The following ZNF626 variants were observed in gnomAD, a reference collection of about 807,000 sequenced individuals.
ZNF626 encodes the protein CTC-513N18.7.
A neutral mutation model predicts 11.7 loss-of-function variants in ZNF626; 4 were observed. The ratio of observed to expected loss-of-function variants is 0.34; its 90% confidence interval spans 0.17 to 0.78. The LOEUF (loss-of-function observed/expected upper bound fraction) is 0.78, where lower values mean the gene tolerates loss of function less well. Ranked by LOEUF, ZNF626 falls within the 30% of genes least tolerant of loss-of-function variation. The pLI is 0.57. For missense variants in ZNF626, 588 were observed against 587.1 expected (o/e 1.00, Z -0.01); for synonymous variants, 179 against 198.6 (o/e 0.90, Z 0.83).
At chr19:20,645,317 G>C (rs1336799936) in intron 3 of ZNF626, 1 of 1,551,542 alleles carries the variant, frequency 6.4e-7, no homozygotes, top group Admixed American at 2.3e-5. Flanking sequence ...AACTTTGAGA[G>C]TAATTTTAGT....
chr19:20,658,261 T>A (rs950068340), intron 1 of ZNF626, among the ~76,000 whole-genome samples: 1 of 152,146 alleles, frequency 6.6e-6, no homozygotes, highest in African/African-American at 2.4e-5. Context: ...GTCCAGAACC[T>A]TAGGTTGGTG....
chr19:20,645,380 C>T, intron 3 of ZNF626: 1 of 1,589,664 alleles, frequency 6.3e-7, no homozygotes, highest in South Asian at 1.2e-5. Context: ...GAAAAGCAGC[C>T]ACACTGTGCA....
chr19:20,645,333 A>C lies in ZNF626; in HGVS notation c.226+351T>G, dbSNP rs553819196. On this transcript the variant is annotated intron_variant, in intron 3 of 3. Coordinates refer to ENST00000601440, the MANE Select transcript of ZNF626 (RefSeq NM_001076675.3). ...ACTTTGAGAGTAATTTTAGTTTCTCAAAATCATGCAGACATTTGTGCGTCC... is the reference window on the plus strand; with the variant it reads ...ACTTTGAGAGTAATTTTAGTTTCTCCAAATCATGCAGACATTTGTGCGTCC... 6.8e-5 allele frequency: 106 copies of C among 1,560,090 alleles called. 1 individual carries two copies. The African/African-American group carries it at 1.1e-3, about 16-fold the overall frequency.
chr19:20,639,277 T>G (rs1302576758), intron 3 of ZNF626, among the ~76,000 whole-genome samples: 2 of 151,812 alleles, frequency 1.3e-5, no homozygotes, highest in Non-Finnish European at 2.9e-5. Context: ...CATTAAGGAT[T>G]TATACTGCAG....
intron 3 of ZNF626, among the ~76,000 whole-genome samples, chr19:20,631,646 T>A (rs868927426): frequency 2.0e-4 from 29 of 148,604 alleles, no homozygotes; most frequent in Admixed American, 2.0e-4. Context: ...GCTTGGTAGA[T>A]CTTCATCCAT....
At chr19:20,640,816 G>A (rs892542672) in intron 3 of ZNF626, among the ~76,000 whole-genome samples, 1 of 151,992 alleles carries the variant, frequency 6.6e-6, no homozygotes, top group Non-Finnish European at 1.5e-5. Context: ...ATTTTAAAAA[G>A]TTATAAATGT....
At chr19:20,632,854 A>G (rs1247697434) in intron 3 of ZNF626, among the ~76,000 whole-genome samples, 4 of 151,924 alleles carry the variant, frequency 2.6e-5, no homozygotes, top group Admixed American at 2.0e-4. Context: ...GGAGGAAGAG[A>G]GGCGCTCGGA....
At chr19:20,628,722 T>C (rs1326568589) in intron 3 of ZNF626, among the ~76,000 whole-genome samples, 2 of 152,164 alleles carry the variant, frequency 1.3e-5, no homozygotes, top group African/African-American at 4.8e-5. Context: ...TTTTCTCCCA[T>C]TCTGTAGGTT....
Position 20,625,545 on chromosome 19 carries a change from A to G in ZNF626, c.332T>C (p.Leu111Ser), listed in dbSNP as rs781808437. The stretch of plus-strand genomic sequence containing the variant: ...ACTTATACATCCTTTTTTTAACTGT[A>G]AATTGTCATGTTCACATTTTTCATA... ...RRYEKCEHDN[L>S]QLKKGCISVD... Residue 111 changes from leucine to serine, a missense_variant, in exon 4 of 4, where the codon TTA (leucine) becomes TCA (serine). By Grantham distance (145) the Leu-to-Ser change is moderately radical. This residue lies in a region of ZNF626 where 524 missense variants were observed against 470.1 expected (regional missense o/e 1.11). Coordinates refer to ENST00000601440, the MANE Select transcript of ZNF626 (RefSeq NM_001076675.3). 6.2e-7 allele frequency: 1 copy of G among 1,613,412 alleles called. No individual in the cohort carries two copies. Among genetic ancestry groups the G allele is most frequent in the East Asian group, 2.2e-5 (1 of 44,846 alleles).
At chr19:20,627,613 T>C (rs181611046) in intron 3 of ZNF626, among the ~76,000 whole-genome samples, 1 of 152,118 alleles carries the variant, frequency 6.6e-6, no homozygotes, top group East Asian at 1.9e-4. Flanking sequence ...AATATATATA[T>C]AATTATCTTT....
At chr19:20,646,449 C>T (rs375986996) in intron 1 of ZNF626, 44 bp from the exon 2 acceptor site, 80 of 1,611,988 alleles carry the variant, frequency 5.0e-5, no homozygotes, top group African/African-American at 9.4e-5. Flanking sequence ...TGGCCATGGG[C>T]GGAATTTTTA....
intron 1 of ZNF626, among the ~76,000 whole-genome samples, chr19:20,650,093 T>A (rs1318323829): frequency 6.6e-6 from 1 of 152,212 alleles, no homozygotes; most frequent in Admixed American, 6.5e-5. Flanking sequence ...CTCAAGAGTA[T>A]GATACAGAGC....
intron 3 of ZNF626, among the ~76,000 whole-genome samples, chr19:20,641,618 C>T (rs4808258): frequency 0.45 from 67,682 of 151,694 alleles, 16,319 homozygotes; most frequent in African/African-American, 0.63. Flanking sequence ...GAGACAGGGT[C>T]TCACTCTGTC....
chr19:20,655,367 C>T (rs113152687), intron 1 of ZNF626, among the ~76,000 whole-genome samples: 20 of 152,260 alleles, frequency 1.3e-4, no homozygotes, highest in Admixed American at 6.5e-4. Context: ...TGTATTGCTA[C>T]CTTTACTCCT....
intron 3 of ZNF626, among the ~76,000 whole-genome samples, chr19:20,634,544 A>G (rs1555770745): frequency 1.3e-5 from 2 of 150,338 alleles, no homozygotes; most frequent in Non-Finnish European, 3.0e-5. Context: ...ACAACACAGT[A>G]TTAAGCATGC....
At position 20,654,447 on chromosome 19, in the gene ZNF626, C is replaced by T. The variant is rs1284817098; in HGVS notation, c.3+6997G>A. Among the ~76,000 whole-genome samples the T allele has an allele frequency of 2.8e-5, 4 of 140,698 alleles. No individual in the cohort carries two copies. In the East Asian group the frequency reaches 7.6e-4, roughly 27 times the overall value. 92.3% of individuals were successfully genotyped at this position (140,698 alleles called of 152,430 possible). ...AACAGAGGCCAGGCGCGGTGGCTTACACTGTAATCCCAGCACTTTGGGAGG... is the reference window on the plus strand; with the variant it reads ...AACAGAGGCCAGGCGCGGTGGCTTATACTGTAATCCCAGCACTTTGGGAGG... On this transcript the variant is annotated intron_variant, in intron 1 of 3. Coordinates refer to ENST00000601440, the MANE Select transcript of ZNF626 (RefSeq NM_001076675.3).
rs540918321 is a variant in ZNF626, at chr19:20,633,375, C to A, written c.227-7725G>T. 1.9e-3 allele frequency among the ~76,000 whole-genome samples: 249 copies of A among 128,372 alleles called. 1 individual carries two copies. Among genetic ancestry groups the A allele is most frequent in the African/African-American group, 8.2e-3 (240 of 29,196 alleles). The allele number at this position is 128,372 out of a possible 152,430, so 84.2% of individuals were successfully genotyped here. On this transcript the variant is annotated intron_variant, in intron 3 of 3. Transcript: ENST00000601440. ...TGTCTTTTTGTTTGTCTGTGCCCTG[C>A]CCCCAGAGGTGGAGCCTAAGAGGCA...
intron 3 of ZNF626, among the ~76,000 whole-genome samples, chr19:20,626,487 G>C (rs1166939264): frequency 1.3e-5 from 2 of 152,166 alleles, no homozygotes; most frequent in African/African-American, 4.8e-5. Context: ...AGGGGGCCAA[G>C]GTGGGAAAAC....
At chr19:20,650,961 G>A (rs1555772537) in intron 1 of ZNF626, among the ~76,000 whole-genome samples, 1 of 152,102 alleles carries the variant, frequency 6.6e-6, no homozygotes, top group Non-Finnish European at 1.5e-5. Context: ...AGCTGAGGTA[G>A]GTGGATCACG....
Sources: allele counts gnomAD v4.1 joint callset (sites outside exome capture counted in the v4.1 genomes callset), GRCh38; gene constraint gnomAD v4.1.1; regional missense constraint gnomAD v4.1.1; transcripts MANE v1.5; gene names NCBI Gene and HGNC (gene_info 2026-07-23, HGNC 2026-07-21).